RSPH3: variants seen among roughly 807,000 people sequenced by gnomAD.
The protein encoded by RSPH3 is radial spoke head 3.
In RSPH3, 21 loss-of-function variants were observed where a neutral mutation model predicts 43.8. That is an observed-to-expected ratio of 0.48 (90% CI 0.34 to 0.69). The LOEUF (loss-of-function observed/expected upper bound fraction) is 0.69. Ranked by LOEUF, RSPH3 falls within the 30% of genes least tolerant of loss-of-function variation. The pLI is 0.01. For missense variants in RSPH3, 487 were observed against 516.0 expected (o/e 0.94, Z 0.54); for synonymous variants, 173 against 179.8 (o/e 0.96, Z 0.30).
At chr6:158,986,161 C>G in intron 3 of RSPH3, 119 bp downstream of exon 3, 2 of 948,800 alleles carry the variant, frequency 2.1e-6, no homozygotes, top group South Asian at 1.7e-5. Flanking sequence ...ACCATGTGAT[C>G]GGGGAAGTAT....
chr6:158,984,472 AT>A (rs1380157540), intron 3 of RSPH3, among the ~76,000 whole-genome samples: 1 of 121,628 alleles, frequency 8.2e-6, no homozygotes, highest in African/African-American at 3.2e-5. Context: ...ATATATATAT[AT>A]ATTTGAGTCC....
rs1778783599 is a variant in RSPH3, at chr6:158,999,642, T to G, written c.-92A>C. The G allele has an allele frequency of 6.2e-7, 1 of 1,613,590 alleles. No homozygotes were observed. Among genetic ancestry groups the G allele is most frequent in the African/African-American group, 1.3e-5 (1 of 74,810 alleles). On this transcript the variant is annotated 5_prime_UTR_variant, in exon 1 of 8. Transcript: ENST00000367069. ...GTGGGACCCGGAGAGATGTAAGTAG[T>G]GCCAAGGGCAAGGATTCCGCGACGC... is the stretch of plus-strand genomic sequence containing the variant.
rs111627326 is a variant in RSPH3, at chr6:158,983,885, G to C, written c.347-78C>G. On this transcript the variant is annotated intron_variant, in intron 3 of 7. Transcript: ENST00000367069. Reference sequence around the variant, plus strand: ...ATGGTAGTTCATGCCCATAATCCCAGCACTTTGGGAGGCCGAGGAGGGTGC... The same window carrying C: ...ATGGTAGTTCATGCCCATAATCCCACCACTTTGGGAGGCCGAGGAGGGTGC... 33,153 of 1,068,130 alleles carry C rather than the reference G, an allele frequency of 0.031. 972 individuals are homozygous for C. The highest frequency in any genetic ancestry group is 0.14 in the African/African-American group (9,018 of 63,898). The allele number at this position is 1,068,130 out of a possible 1,614,324, so 66.2% of individuals were successfully genotyped here.
intron 2 of RSPH3, 128 bp from the exon 3 acceptor site, chr6:158,986,549 A>T (rs1384574696): frequency 1.4e-6 from 1 of 708,510 alleles, no homozygotes; most frequent in Non-Finnish European, 2.3e-6. Flanking sequence ...ATTATCAGTA[A>T]CTTCATTAAA....
the RSPH3 span, among the ~76,000 whole-genome samples, chr6:158,965,307 T>C: frequency 1.3e-5 from 2 of 152,100 alleles, no homozygotes; most frequent in African/African-American, 4.8e-5. Flanking sequence ...GGCTTTTCCA[T>C]TTCCGTAAAA....
chr6:158,984,437 TATATATATATATATATATATATATATA>T (rs1778150376), intron 3 of RSPH3, among the ~76,000 whole-genome samples: 2 of 49,478 alleles, frequency 4.0e-5, no homozygotes, highest in African/African-American at 5.3e-5. Context: ...AAGTCAATTA[TATATATATATATATATATATATATATA>T]TATATATATA....
chr6:158,983,700 T>C lies in RSPH3; in HGVS notation c.454A>G (p.Thr152Ala). 2 of 1,613,688 alleles carry C rather than the reference T, an allele frequency of 1.2e-6. No homozygotes were observed. Residue 152 changes from threonine to alanine, a missense_variant, in exon 4 of 8, where the codon ACT becomes GCT. By Grantham distance (58) the Thr-to-Ala change is moderately conservative (BLOSUM62 0). Coordinates refer to ENST00000367069, the MANE Select transcript of RSPH3 (RefSeq NM_031924.8). ...ATTTGGGTGGCCACATCTTTGCCAG[T>C]TTTGGCAGGAATAAAGAGTGGTGTT... Reference protein sequence around the residue: ...PPTPLFIPAKTGKDVATQILE... With the variant: ...PPTPLFIPAKAGKDVATQILE...
downstream of RSPH3, among the ~76,000 whole-genome samples, chr6:158,971,190 T>C (rs1229847985): frequency 2.0e-5 from 3 of 152,228 alleles, no homozygotes; most frequent in Admixed American, 6.5e-5. Context: ...TCTTGGTTAC[T>C]GACTTTCAAG....
At position 158,983,899 on chromosome 6, in the gene RSPH3, C is replaced by T. The variant is rs149221683; in HGVS notation, c.347-92G>A. The T allele has an allele frequency of 8.5e-5, 73 of 863,232 alleles. No individual in the cohort carries two copies. In the Middle Eastern group the frequency reaches 9.4e-4, roughly 11 times the overall value. 53.5% of individuals were successfully genotyped at this position (863,232 alleles called of 1,614,324 possible). A position where few individuals can be genotyped will look rare whatever the true frequency, so the allele number is the denominator to read the frequency against. On this transcript the variant is annotated intron_variant, in intron 3 of 7. Transcript: ENST00000367069. ...CCATAATCCCAGCACTTTGGGAGGC[C>T]GAGGAGGGTGCATTACTTGAAGCCA...
chr6:158,982,713 CTT>C, intron 4 of RSPH3, 25 bp from the exon 5 acceptor site: 1 of 1,531,392 alleles, frequency 6.5e-7, no homozygotes, highest in South Asian at 1.2e-5. Flanking sequence ...ATAAAGCAAA[CTT>C]AAAATTTTAA....
chr6:158,992,638 C>A (rs1778455365), intron 2 of RSPH3, among the ~76,000 whole-genome samples: 1 of 152,048 alleles, frequency 6.6e-6, no homozygotes, highest in Non-Finnish European at 1.5e-5. Flanking sequence ...TGGTGTTCGG[C>A]AGGTTTGGTG....
chr6:158,999,888 C>T lies in RSPH3; in HGVS notation c.-338G>A. ...GGCACAAGGGACTTCCGGCTCTTGACTCCGCCCAGCCGCGCCACCCAGGTA... is the reference window on the plus strand; with the variant it reads ...GGCACAAGGGACTTCCGGCTCTTGATTCCGCCCAGCCGCGCCACCCAGGTA... On this transcript the variant is annotated 5_prime_UTR_variant, in exon 1 of 8. Transcript: ENST00000367069. The T allele has an allele frequency of 1.2e-6, 2 of 1,613,452 alleles. No homozygotes were observed.
At chr6:158,984,558 T>G (rs1397528577) in intron 3 of RSPH3, among the ~76,000 whole-genome samples, 2 of 149,486 alleles carry the variant, frequency 1.3e-5, no homozygotes, top group African/African-American at 4.9e-5. Context: ...ACCAGGTTAT[T>G]TGATATTCCC....
At position 158,973,936 on chromosome 6, in the gene RSPH3, A is replaced by AG. The variant is rs2128604209; in HGVS notation, c.*3601dup. On this transcript the variant is annotated 3_prime_UTR_variant, in exon 8 of 8. Transcript: ENST00000367069. ...ATTCTTATGCCTCAGTCTCCCGAGTAGCTGGGATTATAGGCATGCGTCACC... is the reference window on the plus strand; with the variant it reads ...ATTCTTATGCCTCAGTCTCCCGAGTAGGCTGGGATTATAGGCATGCGTCACC... 6.6e-6 allele frequency: 1 copy of AG among 151,552 alleles called. No homozygotes were observed. Among genetic ancestry groups the AG allele is most frequent in the East Asian group, 2.0e-4 (1 of 5,126 alleles). The allele number at this position is 151,552 out of a possible 1,614,324, so 9.4% of individuals were successfully genotyped here.
intron 3 of RSPH3, among the ~76,000 whole-genome samples, chr6:158,984,636 A>G (rs1262432397): frequency 6.6e-6 from 1 of 151,670 alleles, no homozygotes; most frequent in Non-Finnish European, 1.5e-5. Context: ...TATATGAGGC[A>G]GGGGTAATGT....
In RSPH3 at chr6:158,977,261, G is replaced by T. The variant is rs747625935; in HGVS notation, c.*277C>A. 1.9e-5 allele frequency: 7 copies of T among 361,312 alleles called. No homozygotes were observed. The highest frequency in any genetic ancestry group is 1.7e-4 in the Admixed American group (4 of 23,476). The allele number at this position is 361,312 out of a possible 1,614,324, so 22.4% of individuals were successfully genotyped here. ...AGAAGGGCTAAGGAAAAATATATTT[G>T]CTGGTTACATATAATGGTAATAGAA... On this transcript the variant is annotated 3_prime_UTR_variant, in exon 8 of 8. Coordinates refer to ENST00000367069, the MANE Select transcript of RSPH3 (RefSeq NM_031924.8).
the RSPH3 span, among the ~76,000 whole-genome samples, chr6:158,965,257 T>C: frequency 3.9e-5 from 6 of 152,132 alleles, no homozygotes; most frequent in South Asian, 1.2e-3. Context: ...ATTGTTTGGC[T>C]ACTAAGGTTT....
Position 158,977,517 on chromosome 6 carries a change from C to T in RSPH3, c.*21G>A. On this transcript the variant is annotated 3_prime_UTR_variant, in exon 8 of 8. Coordinates refer to ENST00000367069, the MANE Select transcript of RSPH3 (RefSeq NM_031924.8). The stretch of plus-strand genomic sequence containing the variant: ...TGCTGACTTGGCTGTTGATTGGTTT[C>T]ATGACTTTGAAGCTTCCCTCCTATG... 1 of 1,574,656 alleles carries T rather than the reference C, an allele frequency of 6.4e-7. No homozygotes were observed. The highest frequency in any genetic ancestry group is 1.4e-5 in the African/African-American group (1 of 74,066).
At chr6:158,998,753 G>T (rs1746927225) in intron 1 of RSPH3, among the ~76,000 whole-genome samples, 1 of 151,658 alleles carries the variant, frequency 6.6e-6, no homozygotes, top group African/African-American at 2.4e-5. Flanking sequence ...CTACTTGGGA[G>T]GCTGAGGCAG....
Sources: gnomAD v4.1 joint callset for allele counts (sites outside exome capture counted in the v4.1 genomes callset) on GRCh38, gnomAD v4.1.1 for gene constraint, MANE v1.5 for transcripts, NCBI Gene and HGNC (gene_info 2026-07-23, HGNC 2026-07-21) for gene names.